The following SERPINI1 variants were observed in gnomAD, a reference collection of about 807,000 sequenced individuals.
SERPINI1 encodes serpin family I member 1.
SERPINI1 carries 19 observed loss-of-function variants against 41.1 expected under a neutral mutation model. The observed-to-expected ratio is 0.46, with a 90% confidence interval of 0.32 to 0.68. The LOEUF is 0.68. Ranked by LOEUF, SERPINI1 falls within the 30% of genes least tolerant of loss-of-function variation. SERPINI1 has a pLI of 0.03. For synonymous variants in SERPINI1, 138 were observed against 156.6 expected, an observed-to-expected ratio of 0.88 and a Z score of 0.89; for missense variants, 460 against 479.2, an observed-to-expected ratio of 0.96 and a Z score of 0.37.
At chr3:167,775,277 TTTG>T (rs1397542546) in intron 1 of SERPINI1, among the ~76,000 whole-genome samples, 1 of 138,498 alleles carries the variant, frequency 7.2e-6, no homozygotes, top group Non-Finnish European at 1.6e-5. Context: ...ATTATTATTA[TTTG>T]AGACAGAGTC....
At chr3:167,754,045 G>C (rs1218829027) in intron 1 of SERPINI1, among the ~76,000 whole-genome samples, 2 of 152,174 alleles carry the variant, frequency 1.3e-5, no homozygotes, top group African/African-American at 4.8e-5. Context: ...ACTTCAAGCT[G>C]CTTTTTCAAG....
chr3:167,821,844 A>G (rs1712339950), intron 6 of SERPINI1, among the ~76,000 whole-genome samples: 1 of 152,216 alleles, frequency 6.6e-6, no homozygotes, highest in Non-Finnish European at 1.5e-5. Flanking sequence ...GAATTGGCTC[A>G]TCATTATGGA....
rs746300949 is a variant in SERPINI1, at chr3:167,794,787, T to G, written c.844T>G (p.Ser282Ala). ...KAQLVEEWAN[S>A]VKKQKVEVYL... is the part of the protein sequence containing the mutation. Reference sequence around the variant, plus strand: ...ACAGCTGGTTGAAGAATGGGCAAACTCTGTGAAGAAGCAAAAAGTAGAAGT... The same window carrying G: ...ACAGCTGGTTGAAGAATGGGCAAACGCTGTGAAGAAGCAAAAAGTAGAAGT... The change falls in exon 5 of 9, where the codon TCT becomes GCT. Residue 282 changes from serine to alanine, a missense_variant. Transcript: ENST00000446050. 6.2e-7 allele frequency: 1 copy of G among 1,613,556 alleles called. No individual in the cohort carries two copies. Among genetic ancestry groups the G allele is most frequent in the Admixed American group, 1.7e-5 (1 of 59,870 alleles).
intron 5 of SERPINI1, chr3:167,800,153 A>G (rs574586441): frequency 2.7e-4 from 41 of 152,310 alleles, no homozygotes; most frequent in African/African-American, 9.6e-4. Context: ...ACCAAATCCA[A>G]TGAAATACCG....
chr3:167,737,804 C>G (rs1341345743), intron 1 of SERPINI1, among the ~76,000 whole-genome samples: 1 of 152,080 alleles, frequency 6.6e-6, no homozygotes, highest in Non-Finnish European at 1.5e-5. Flanking sequence ...AATCTCAGCT[C>G]TTTATAGGTC....
intron 6 of SERPINI1, among the ~76,000 whole-genome samples, chr3:167,819,387 TA>T (rs11293772): frequency 0.3 from 45,934 of 151,910 alleles, 8,840 homozygotes; most frequent in African/African-American, 0.55. Flanking sequence ...AAATTTTTCT[TA>T]AAAAAAACAC....
chr3:167,794,640 A>G lies in SERPINI1; in HGVS notation c.697A>G (p.Asn233Asp). 1 of 1,613,456 alleles carries G rather than the reference A, an allele frequency of 6.2e-7. No individual in the cohort carries two copies. Among genetic ancestry groups the G allele is most frequent in the Non-Finnish European group, 8.5e-7 (1 of 1,179,728 alleles). The change falls in exon 5 of 9, where the codon AAT becomes GAT. Residue 233 changes from asparagine (N) to aspartate (D), a missense_variant. Asn to Asp is a conservative substitution (Grantham distance 23, BLOSUM62 1). Coordinates refer to ENST00000446050, the MANE Select transcript of SERPINI1 (RefSeq NM_001122752.2). The part of the protein sequence containing the change: ...FYYGEFSDGS[N>D]EAGGIYQVLE... ...TTTAGGGGAATTTAGTGATGGCTCC[A>G]ATGAAGCTGGTGGTATCTACCAAGT... is the stretch of plus-strand genomic sequence containing the variant.
intron 1 of SERPINI1, among the ~76,000 whole-genome samples, chr3:167,736,926 T>C (rs1725475963): frequency 6.6e-6 from 1 of 152,170 alleles, no homozygotes; most frequent in Non-Finnish European, 1.5e-5. Flanking sequence ...CTTTTAATCA[T>C]AGTAGCATAT....
intron 1 of SERPINI1, among the ~76,000 whole-genome samples, chr3:167,782,238 G>A (rs1489214968): frequency 1.3e-5 from 2 of 152,110 alleles, no homozygotes; most frequent in African/African-American, 4.8e-5. Flanking sequence ...GCATTTTGTA[G>A]ACTAATGTTA....
intron 1 of SERPINI1, among the ~76,000 whole-genome samples, chr3:167,772,921 CAT>C (rs1278504171): frequency 1.5e-4 from 14 of 95,116 alleles, no homozygotes; most frequent in Admixed American, 2.2e-4. Context: ...CACACACACA[CAT>C]GCATATATAC....
intron 1 of SERPINI1, among the ~76,000 whole-genome samples, chr3:167,747,448 T>C (rs1725893220): frequency 6.6e-6 from 1 of 152,052 alleles, no homozygotes; most frequent in Non-Finnish European, 1.5e-5. Flanking sequence ...ATCGAAACCA[T>C]CCTGGCTAAC....
chr3:167,792,521 A>C, intron 3 of SERPINI1, 69 bp from the exon 4 acceptor site: 1 of 1,342,760 alleles, frequency 7.4e-7, no homozygotes, highest in South Asian at 1.2e-5. Context: ...GGTGATTTGA[A>C]AATCTTCTGG....
chr3:167,806,693 G>A lies in SERPINI1; in HGVS notation c.882-551G>A, dbSNP rs12638344. Among the ~76,000 whole-genome samples, 281 of 152,144 alleles carry A rather than the reference G, an allele frequency of 1.8e-3. 5 individuals are homozygous for A. The East Asian group carries it at 0.051, about 27-fold the overall frequency. On this transcript the variant is annotated intron_variant, in intron 5 of 8. Transcript: ENST00000446050. ...GTTGTAGGGAGCTGAAATGCTAAAT[G>A]TATTTATTGCAAAATAGAATTTGGG...
At chr3:167,774,835 T>C (rs963449316) in intron 1 of SERPINI1, among the ~76,000 whole-genome samples, 4 of 151,972 alleles carry the variant, frequency 2.6e-5, no homozygotes, top group African/African-American at 9.7e-5. Context: ...GCCCAAAAGG[T>C]TGGGGGCCAC....
intron 1 of SERPINI1, among the ~76,000 whole-genome samples, chr3:167,758,105 G>T (rs187404901): frequency 6.6e-6 from 1 of 152,262 alleles, no homozygotes; most frequent in East Asian, 1.9e-4. Context: ...GAATGTCTCC[G>T]TATCTTTCTA....
At chr3:167,753,966 A>G (rs1726122827) in intron 1 of SERPINI1, among the ~76,000 whole-genome samples, 1 of 152,216 alleles carries the variant, frequency 6.6e-6, no homozygotes. Context: ...GGCATTTGCT[A>G]GCCCTTAATG....
intron 5 of SERPINI1, among the ~76,000 whole-genome samples, chr3:167,802,149 G>A (rs962713718): frequency 6.6e-5 from 10 of 152,034 alleles, no homozygotes; most frequent in East Asian, 3.9e-4. Flanking sequence ...AGACTTAAAC[G>A]TTAGACCTAA....
At position 167,818,921 on chromosome 3, in the gene SERPINI1, C is replaced by A. The variant is rs184702937; in HGVS notation, c.980-4065C>A. On this transcript the variant is annotated intron_variant, in intron 6 of 8. Transcript: ENST00000446050. ...TATTATGTGGTGTCTTTGAGGAGAACCCCTTTTAGAATTCTTCAGAAGGGC... is the reference window on the plus strand; with the variant it reads ...TATTATGTGGTGTCTTTGAGGAGAAACCCTTTTAGAATTCTTCAGAAGGGC... Among the ~76,000 whole-genome samples the A allele has an allele frequency of 2.6e-4, 40 of 152,246 alleles. No individual in the cohort carries two copies. In the East Asian group the frequency reaches 6.0e-3, roughly 23 times the overall value.
intron 1 of SERPINI1, among the ~76,000 whole-genome samples, chr3:167,754,263 C>T (rs576435255): frequency 6.6e-6 from 1 of 152,242 alleles, no homozygotes; most frequent in African/African-American, 2.4e-5. Context: ...GAAAATTCAC[C>T]AACCAATTGA....
Sources: gnomAD v4.1 joint callset for allele counts (sites outside exome capture counted in the v4.1 genomes callset) on GRCh38, gnomAD v4.1.1 for gene constraint, MANE v1.5 for transcripts, NCBI Gene and HGNC (gene_info 2026-07-23, HGNC 2026-07-21) for gene names.